Variants in PCDHA6 observed in about 807,000 individuals in gnomAD.
PCDHA6 encodes protocadherin alpha 6.
PCDHA6 carries 55 observed loss-of-function variants against 60.3 expected under a neutral mutation model. The observed-to-expected ratio is 0.91, with a 90% CI of 0.73 to 1.14. The LOEUF (loss-of-function observed/expected upper bound fraction) is 1.14, where lower values mean the gene tolerates loss of function less well. Among genes scored for constraint, PCDHA6 ranks in the 50% most tolerant of loss-of-function variants. PCDHA6 has a pLI of 0.00. For missense variants in PCDHA6, 1,327 were observed against 1,256.5 expected, an observed-to-expected ratio of 1.06 and a Z score of -0.85; for synonymous variants, 652 against 557.9, an observed-to-expected ratio of 1.17 and a Z score of -2.38.
At chr5:140,943,789 T>C (rs2093567416) in intron 1 of PCDHA6, among the ~76,000 whole-genome samples, 1 of 152,228 alleles carries the variant, frequency 6.6e-6, no homozygotes, top group African/African-American at 2.4e-5. Flanking sequence ...TGGTCCTTTA[T>C]GCAAAGCAAA....
At chr5:140,870,219 C>A (rs1188426625) in intron 1 of PCDHA6, 2 of 1,614,034 alleles carry the variant, frequency 1.2e-6, no homozygotes, top group Non-Finnish European at 1.7e-6. Flanking sequence ...CCCTGATCAG[C>A]GTGTCTGACC....
chr5:140,882,245 G>A, intron 1 of PCDHA6: 1 of 1,592,614 alleles, frequency 6.3e-7, no homozygotes, highest in Non-Finnish European at 8.6e-7. Context: ...ATTGCAGATA[G>A]CTCTGAGGTT....
intron 1 of PCDHA6, chr5:140,857,813 G>C: frequency 1.9e-6 from 3 of 1,597,816 alleles, no homozygotes; most frequent in Non-Finnish European, 2.6e-6. Context: ...TGCGGGTCAC[G>C]TGGTGGCTAA....
chr5:140,894,569 C>CT (rs556288790), intron 1 of PCDHA6, among the ~76,000 whole-genome samples: 36 of 151,446 alleles, frequency 2.4e-4, no homozygotes, highest in African/African-American at 7.5e-4. Context: ...AATTATTTTC[C>CT]TTTTTTTTAA....
At chr5:140,970,585 T>G (rs1554232585) in intron 1 of PCDHA6, among the ~76,000 whole-genome samples, 2 of 152,244 alleles carry the variant, frequency 1.3e-5, no homozygotes, top group Non-Finnish European at 2.9e-5. Context: ...ATAACAGAGA[T>G]ATGCTTTGTG....
In PCDHA6 at chr5:140,850,224, G is replaced by A. The variant is rs2150474394; in HGVS notation, c.2394+19739G>A. On this transcript the variant is annotated intron_variant, in intron 1 of 3. Coordinates refer to ENST00000529310, the MANE Select transcript of PCDHA6 (RefSeq NM_018909.4). ...TCGGATGAGGGGCACTGACGGCGCAGTGAGCGAGATGGTGCTGCGGTCGGT... is the reference window on the plus strand; with the variant it reads ...TCGGATGAGGGGCACTGACGGCGCAATGAGCGAGATGGTGCTGCGGTCGGT... 9.3e-5 allele frequency: 148 copies of A among 1,593,886 alleles called. 13 individuals carry two copies. The highest frequency in any genetic ancestry group is 1.2e-4 in the Non-Finnish European group (142 of 1,167,688).
chr5:140,912,530 A>C (rs2075961098), intron 1 of PCDHA6, among the ~76,000 whole-genome samples: 2 of 152,178 alleles, frequency 1.3e-5, no homozygotes, highest in East Asian at 1.9e-4. Context: ...TTCAGAGTAC[A>C]TGATCATATT....
At chr5:140,867,314 G>A (rs2049881742) in intron 1 of PCDHA6, 1 of 151,958 alleles carries the variant, frequency 6.6e-6, no homozygotes, top group Admixed American at 6.6e-5. Flanking sequence ...ACTGTCATCT[G>A]GTCTAATGTT....
intron 1 of PCDHA6, chr5:140,864,131 C>T (rs1191478097): frequency 2.0e-5 from 3 of 152,082 alleles, no homozygotes; most frequent in Non-Finnish European, 2.9e-5. Context: ...GACTGAGTGG[C>T]TGTTTCCTGT....
At chr5:141,005,861 C>T (rs921854027) in intron 3 of PCDHA6, among the ~76,000 whole-genome samples, 2 of 151,860 alleles carry the variant, frequency 1.3e-5, no homozygotes, top group Admixed American at 6.6e-5. Flanking sequence ...ACAGGAGGGT[C>T]GATTGAGTCC....
chr5:140,836,955 A>G (rs1227773080), intron 1 of PCDHA6: 1 of 420,702 alleles, frequency 2.4e-6, no homozygotes, highest in Non-Finnish European at 4.1e-6. Flanking sequence ...TCTATGGTTT[A>G]TGTTGGCTAC....
intron 3 of PCDHA6, among the ~76,000 whole-genome samples, chr5:140,999,478 T>C (rs2097859281): frequency 6.6e-6 from 1 of 152,172 alleles, no homozygotes; most frequent in Non-Finnish European, 1.5e-5. Flanking sequence ...AGATTCCAAC[T>C]CAAGTCTATG....
At chr5:140,962,665 C>T (rs1457197885) in intron 1 of PCDHA6, among the ~76,000 whole-genome samples, 1 of 152,146 alleles carries the variant, frequency 6.6e-6, no homozygotes, top group African/African-American at 2.4e-5. Flanking sequence ...TTTTCATCTT[C>T]CCATCCACTG....
At chr5:140,836,548 G>A in intron 1 of PCDHA6, 2 of 1,613,750 alleles carry the variant, frequency 1.2e-6, no homozygotes, top group Admixed American at 1.7e-5. Flanking sequence ...ACGGCGTTGC[G>A]GTGCTCAGCG....
At chr5:140,925,833 CG>C (rs2082756406) in intron 1 of PCDHA6, among the ~76,000 whole-genome samples, 1 of 152,070 alleles carries the variant, frequency 6.6e-6, no homozygotes, top group Admixed American at 6.5e-5. Flanking sequence ...GGGGACGGGT[CG>C]TCAAGTCTTT....
intron 1 of PCDHA6, chr5:140,871,578 G>A (rs1554165764): frequency 6.8e-7 from 1 of 1,474,340 alleles, no homozygotes; most frequent in Admixed American, 2.6e-5. Context: ...TTTTTTAAGG[G>A]AAAGTTTTAT....
At chr5:141,009,019 C>A (rs1160022658) in intron 3 of PCDHA6, among the ~76,000 whole-genome samples, 1 of 152,232 alleles carries the variant, frequency 6.6e-6, no homozygotes, top group Non-Finnish European at 1.5e-5. Context: ...CCTTTAGGCT[C>A]TGTATTTCCC....
intron 3 of PCDHA6, among the ~76,000 whole-genome samples, chr5:140,989,404 A>G (rs2097341135): frequency 6.6e-6 from 1 of 152,134 alleles, no homozygotes; most frequent in Non-Finnish European, 1.5e-5. Flanking sequence ...GAGGGTGGAG[A>G]GTCTGCACTT....
At chr5:140,919,376 CAT>C (rs1245050758) in intron 1 of PCDHA6, among the ~76,000 whole-genome samples, 1 of 152,192 alleles carries the variant, frequency 6.6e-6, no homozygotes, top group Non-Finnish European at 1.5e-5. Context: ...GCAGACAACA[CAT>C]AGTTGGATGT....
Sources: gnomAD v4.1 joint callset for allele counts (sites outside exome capture counted in the v4.1 genomes callset) on GRCh38, gnomAD v4.1.1 for gene constraint, MANE v1.5 for transcripts, NCBI Gene and HGNC (gene_info 2026-07-23, HGNC 2026-07-21) for gene names.